QKI: variants seen among roughly 807,000 people sequenced by gnomAD.
QKI encodes QKI, KH domain containing RNA binding, also known as KH domain-containing RNA-binding protein QKI.
Under a neutral mutation model 39.0 loss-of-function variants are expected in QKI, and 10 were observed. That is an observed-to-expected ratio of 0.26 (90% CI 0.16 to 0.43). The LOEUF is 0.43. Ranked by LOEUF, QKI falls within the 20% of genes least tolerant of loss-of-function variation. The pLI, the probability that QKI is intolerant of heterozygous loss-of-function variation, is 1.00. For synonymous variants in QKI, 204 were observed against 155.4 expected, an observed-to-expected ratio of 1.31 and a Z score of -2.33; for missense variants, 218 against 428.0, an observed-to-expected ratio of 0.51 and a Z score of 4.33.
chr6:163,509,531 A>G (rs1779307205), intron 3 of QKI, among the ~76,000 whole-genome samples: 1 of 152,026 alleles, frequency 6.6e-6, no homozygotes, highest in Admixed American at 6.6e-5. Flanking sequence ...GTATGTGTAC[A>G]CGTGGACGTA....
At chr6:163,541,114 C>T (rs1781478826) in intron 4 of QKI, among the ~76,000 whole-genome samples, 2 of 152,184 alleles carry the variant, frequency 1.3e-5, no homozygotes, top group South Asian at 2.1e-4. Context: ...TAAGGACATA[C>T]ATTCCTCTCT....
At chr6:163,568,147 C>A in intron 7 of QKI, 13 of 985,254 alleles carry the variant, frequency 1.3e-5, no homozygotes, top group Non-Finnish European at 1.6e-5. Flanking sequence ...TTTGGAAAGT[C>A]ACTTGAGTTT....
At chr6:163,496,006 T>G (rs564537257) in intron 3 of QKI, among the ~76,000 whole-genome samples, 2 of 152,346 alleles carry the variant, frequency 1.3e-5, no homozygotes, top group East Asian at 3.9e-4. Flanking sequence ...TCCTAACAAA[T>G]TTAGGATTGT....
intron 4 of QKI, among the ~76,000 whole-genome samples, chr6:163,540,232 G>A (rs888408124): frequency 6.6e-6 from 1 of 151,920 alleles, no homozygotes; most frequent in Non-Finnish European, 1.5e-5. Context: ...CAGGCTTGAG[G>A]GTCCTAGCAG....
chr6:163,559,633 T>TA (rs1354761574), intron 4 of QKI, among the ~76,000 whole-genome samples: 1 of 152,224 alleles, frequency 6.6e-6, no homozygotes, highest in African/African-American at 2.4e-5. Context: ...AGTAGGTTTT[T>TA]AAAAAGTTGG....
intron 1 of QKI, among the ~76,000 whole-genome samples, chr6:163,429,554 A>G (rs1419358889): frequency 6.6e-6 from 1 of 152,214 alleles, no homozygotes; most frequent in Non-Finnish European, 1.5e-5. Flanking sequence ...GTGTGTAATG[A>G]TAGCATTAAG....
Position 163,492,609 on chromosome 6 carries a change from GGTA to G in QKI, c.402+13716_402+13718del, listed in dbSNP as rs1483128856. The stretch of plus-strand genomic sequence containing the variant: ...TTTTGGTGAATTAAAATAAGTATAA[GGTA>G]GTCTAAATATAGAGGACTAGTCACT... On this transcript the variant is annotated intron_variant, in intron 3 of 7. Coordinates refer to ENST00000361752, the MANE Select transcript of QKI (RefSeq NM_006775.3). Among the ~76,000 whole-genome samples, 9 of 152,170 alleles carry G rather than the reference GGTA, an allele frequency of 5.9e-5. No individual in the cohort carries two copies. In the South Asian group the frequency reaches 1.5e-3, roughly 25 times the overall value.
chr6:163,480,878 G>T (rs1043345781), intron 3 of QKI, among the ~76,000 whole-genome samples: 7 of 152,058 alleles, frequency 4.6e-5, no homozygotes, highest in Non-Finnish European at 7.4e-5. Context: ...CATCAGTTAG[G>T]CTATTCTGTC....
intron 3 of QKI, among the ~76,000 whole-genome samples, chr6:163,531,741 G>A (rs910440569): frequency 6.6e-6 from 1 of 152,210 alleles, no homozygotes; most frequent in Non-Finnish European, 1.5e-5. Flanking sequence ...CTGGGCTCAA[G>A]CAGTCTTCCT....
At chr6:163,474,451 A>C (rs984285374) in intron 2 of QKI, among the ~76,000 whole-genome samples, 1 of 152,170 alleles carries the variant, frequency 6.6e-6, no homozygotes, top group African/African-American at 2.4e-5. Context: ...GTCAGTAATG[A>C]AGAAATGCTG....
chr6:163,552,627 G>T (rs993424402), intron 4 of QKI, among the ~76,000 whole-genome samples: 2 of 152,074 alleles, frequency 1.3e-5, no homozygotes, highest in African/African-American at 4.8e-5. Context: ...AAGTGGACCT[G>T]CATGGTTCAA....
intron 4 of QKI, among the ~76,000 whole-genome samples, chr6:163,554,430 G>C (rs758775804): frequency 1.3e-5 from 2 of 152,206 alleles, no homozygotes; most frequent in Non-Finnish European, 2.9e-5. Context: ...TGGCAGTTCA[G>C]TTTGGAACTT....
chr6:163,539,311 ATT>A (rs779572080), intron 4 of QKI, among the ~76,000 whole-genome samples: 13 of 152,144 alleles, frequency 8.5e-5, no homozygotes, highest in Non-Finnish European at 1.8e-4. Flanking sequence ...TTGCCAGTCA[ATT>A]TGTTTTTTTT....
At chr6:163,553,091 T>G (rs1287385285) in intron 4 of QKI, among the ~76,000 whole-genome samples, 1 of 115,630 alleles carries the variant, frequency 8.6e-6, no homozygotes, top group African/African-American at 3.6e-5. Context: ...TATTTATTTA[T>G]TTATTTATTT....
chr6:163,502,558 A>G (rs1020317528), intron 3 of QKI, among the ~76,000 whole-genome samples: 1 of 152,058 alleles, frequency 6.6e-6, no homozygotes, highest in Admixed American at 6.5e-5. Context: ...CCCCACCTAA[A>G]ATTTTTGTGC....
intron 3 of QKI, among the ~76,000 whole-genome samples, chr6:163,498,607 C>G (rs185407321): frequency 6.6e-6 from 1 of 151,990 alleles, no homozygotes; most frequent in Non-Finnish European, 1.5e-5. Flanking sequence ...TCCCTCTTTC[C>G]CTCCTCTCCC....
At chr6:163,417,626 G>A (rs1348222846) in intron 1 of QKI, among the ~76,000 whole-genome samples, 1 of 152,010 alleles carries the variant, frequency 6.6e-6, no homozygotes, top group Non-Finnish European at 1.5e-5. Flanking sequence ...TTTCTCTCTG[G>A]TTGGAAATAG....
At chr6:163,542,888 A>G (rs899240613) in intron 4 of QKI, among the ~76,000 whole-genome samples, 24 of 152,052 alleles carry the variant, frequency 1.6e-4, no homozygotes, top group African/African-American at 5.8e-4. Flanking sequence ...CAGGATTATT[A>G]TGACATTTGA....
intron 1 of QKI, among the ~76,000 whole-genome samples, chr6:163,416,915 CAAAAA>C (rs4055816): frequency 1.4e-5 from 2 of 147,032 alleles, no homozygotes; most frequent in Non-Finnish European, 3.0e-5. Context: ...TCTGGAATGT[CAAAAA>C]AAAAAAAAAA....
Sources: gnomAD v4.1 joint callset for allele counts (sites outside exome capture counted in the v4.1 genomes callset) on GRCh38, gnomAD v4.1.1 for gene constraint, MANE v1.5 for transcripts, NCBI Gene and HGNC (gene_info 2026-07-23, HGNC 2026-07-21) for gene names.